LRRTM4: variants seen among roughly 807,000 people sequenced by gnomAD.
The protein encoded by LRRTM4 is leucine rich repeat transmembrane neuronal 4.
A neutral mutation model predicts 47.6 loss-of-function variants in LRRTM4; 25 were observed. The observed-to-expected ratio is 0.53, with a 90% CI of 0.38 to 0.73. The LOEUF (loss-of-function observed/expected upper bound fraction) is 0.73, where lower values mean the gene tolerates loss of function less well. LRRTM4 is among the 30% of genes least tolerant of loss of function. LRRTM4 has a pLI of 0.00. For synonymous variants in LRRTM4, 311 were observed against 269.5 expected (o/e 1.15, Z -1.51); for missense variants, 638 against 713.4 (o/e 0.89, Z 1.20).
chr2:77,425,891 C>T (rs949447256), intron 3 of LRRTM4, among the ~76,000 whole-genome samples: 6 of 151,798 alleles, frequency 4.0e-5, no homozygotes, highest in African/African-American at 9.7e-5. Context: ...CCAAGGCAGG[C>T]GGATCACTTG....
At chr2:76,767,134 C>T (rs1370517963) in intron 3 of LRRTM4, among the ~76,000 whole-genome samples, 3 of 152,168 alleles carry the variant, frequency 2.0e-5, no homozygotes, top group Admixed American at 1.3e-4. Flanking sequence ...CTACAAAATT[C>T]CCTCTATTAA....
In LRRTM4 at chr2:77,351,527, C is replaced by A. The variant is rs554953096; in HGVS notation, c.1551+166791G>T. 3.3e-5 allele frequency among the ~76,000 whole-genome samples: 5 copies of A among 150,476 alleles called. No homozygotes were observed. In the South Asian group the frequency reaches 8.4e-4, roughly 25 times the overall value. ...TATTAAAGACTACGCAGAAATAAAC[C>A]AAATGATTTGGAAACATTTCCATGA... is the stretch of plus-strand genomic sequence containing the variant. On this transcript the variant is annotated intron_variant, in intron 3 of 3. Transcript: ENST00000409884.
rs150211977 is a variant in LRRTM4, at chr2:77,388,854, T to C, written c.1551+129464A>G. ...ATGCTATTTTGCATAAATATATATATTCTTGCATATATATTTTTACTTTAA... is the reference window on the plus strand; with the variant it reads ...ATGCTATTTTGCATAAATATATATACTCTTGCATATATATTTTTACTTTAA... On this transcript the variant is annotated intron_variant, in intron 3 of 3. Coordinates refer to ENST00000409884, the MANE Select transcript of LRRTM4 (RefSeq NM_001134745.3). 3.0e-3 allele frequency among the ~76,000 whole-genome samples: 463 copies of C among 152,188 alleles called. 3 individuals carry two copies. The highest frequency in any genetic ancestry group is 4.7e-3 in the Non-Finnish European group (318 of 67,978).
At chr2:77,102,588 A>G (rs561835597) in intron 3 of LRRTM4, among the ~76,000 whole-genome samples, 1 of 152,348 alleles carries the variant, frequency 6.6e-6, no homozygotes, top group East Asian at 1.9e-4. Context: ...GATCAAAGAT[A>G]TATAATACCA....
At chr2:77,069,016 T>G (rs1222517021) in intron 3 of LRRTM4, among the ~76,000 whole-genome samples, 2 of 152,222 alleles carry the variant, frequency 1.3e-5, no homozygotes, top group African/African-American at 4.8e-5. Flanking sequence ...GCCCATCCCT[T>G]CGTTTCCCAT....
At chr2:76,759,123 G>A (rs1673163434) in intron 3 of LRRTM4, among the ~76,000 whole-genome samples, 1 of 151,952 alleles carries the variant, frequency 6.6e-6, no homozygotes, top group African/African-American at 2.4e-5. Context: ...CTAGGAGCTG[G>A]GTATATAAAG....
rs543730434 is a variant in LRRTM4 at position 76,970,764 on chromosome 2, T to C, written c.1552-221848A>G. On this transcript the variant is annotated intron_variant, in intron 3 of 3. Coordinates refer to ENST00000409884, the MANE Select transcript of LRRTM4 (RefSeq NM_001134745.3). ...TCTTTTCTACAAATGAAAATGCTGA[T>C]TGGATTGGAAGGTGTTTCGTGACCA... 3.9e-5 allele frequency among the ~76,000 whole-genome samples: 6 copies of C among 152,166 alleles called. No individual in the cohort carries two copies. The South Asian group carries it at 8.3e-4, about 21-fold the overall frequency.
At chr2:76,941,750 G>C (rs1035745666) in intron 3 of LRRTM4, among the ~76,000 whole-genome samples, 3 of 152,090 alleles carry the variant, frequency 2.0e-5, no homozygotes, top group African/African-American at 7.2e-5. Context: ...CTTTGCTATT[G>C]TGAATAATGC....
At chr2:77,263,566 T>A (rs558870600) in intron 3 of LRRTM4, among the ~76,000 whole-genome samples, 2 of 152,240 alleles carry the variant, frequency 1.3e-5, no homozygotes, top group East Asian at 1.9e-4. Flanking sequence ...CCAGCCGGTG[T>A]CAGAAAATTG....
intron 3 of LRRTM4, among the ~76,000 whole-genome samples, chr2:77,347,951 G>T: frequency 6.6e-6 from 1 of 151,082 alleles, no homozygotes; most frequent in South Asian, 2.1e-4. Flanking sequence ...ACATAATTGG[G>T]TGCTCAATAA....
intron 3 of LRRTM4, among the ~76,000 whole-genome samples, chr2:77,335,514 A>G (rs1194686390): frequency 6.6e-6 from 1 of 152,086 alleles, no homozygotes; most frequent in Non-Finnish European, 1.5e-5. Context: ...AGTTGCACCT[A>G]CTCAGAAAGG....
intron 3 of LRRTM4, among the ~76,000 whole-genome samples, chr2:77,392,364 T>A (rs767804667): frequency 3.5e-4 from 53 of 152,018 alleles, no homozygotes; most frequent in Non-Finnish European, 6.6e-4. Flanking sequence ...GGGCACATGT[T>A]CTCAGGATCT....
At chr2:77,505,670 TA>T (rs1678739415) in intron 3 of LRRTM4, among the ~76,000 whole-genome samples, 1 of 151,636 alleles carries the variant, frequency 6.6e-6, no homozygotes, top group Admixed American at 6.6e-5. Context: ...TAAAAATTTT[TA>T]AAAGTTATTC....
intron 3 of LRRTM4, among the ~76,000 whole-genome samples, chr2:77,148,157 G>T (rs1412502818): frequency 6.6e-6 from 1 of 152,132 alleles, no homozygotes; most frequent in Non-Finnish European, 1.5e-5. Context: ...TTACTTTATA[G>T]TGTCTACCTT....
At chr2:76,906,705 T>C (rs2103764372) in intron 3 of LRRTM4, among the ~76,000 whole-genome samples, 1 of 151,634 alleles carries the variant, frequency 6.6e-6, no homozygotes, top group Non-Finnish European at 1.5e-5. Flanking sequence ...TCCTAGTCTC[T>C]GATAAAACAG....
chr2:76,898,971 A>G (rs1009208543), intron 3 of LRRTM4, among the ~76,000 whole-genome samples: 1 of 152,050 alleles, frequency 6.6e-6, no homozygotes, highest in Non-Finnish European at 1.5e-5. Flanking sequence ...AGTTTATACA[A>G]GGATGTTCTC....
chr2:77,238,024 G>T (rs760985864), intron 3 of LRRTM4, among the ~76,000 whole-genome samples: 19 of 152,144 alleles, frequency 1.2e-4, no homozygotes, highest in Non-Finnish European at 2.4e-4. Context: ...TAGGTCAAAA[G>T]ACACAAAATA....
At chr2:77,245,347 G>T (rs1675403656) in intron 3 of LRRTM4, among the ~76,000 whole-genome samples, 1 of 151,722 alleles carries the variant, frequency 6.6e-6, no homozygotes, top group South Asian at 2.1e-4. Flanking sequence ...AGGAGTTTGA[G>T]ACTATCCTGG....
chr2:77,143,071 A>G (rs1305155643), intron 3 of LRRTM4, among the ~76,000 whole-genome samples: 2 of 152,216 alleles, frequency 1.3e-5, no homozygotes, highest in Admixed American at 6.5e-5. Context: ...CAAGCCATTT[A>G]TCAAATGCTT....
Sources: allele counts gnomAD v4.1 joint callset (sites outside exome capture counted in the v4.1 genomes callset), GRCh38; gene constraint gnomAD v4.1.1; transcripts MANE v1.5; gene names NCBI Gene and HGNC (gene_info 2026-07-23, HGNC 2026-07-21).